The following SATB1 variants were observed in gnomAD, a reference collection of about 807,000 sequenced individuals.
SATB1 encodes DNA-binding protein SATB1.
Under a neutral mutation model 86.9 loss-of-function variants are expected in SATB1, and 11 were observed. That is an observed-to-expected ratio of 0.13 (90% CI 0.08 to 0.21). The LOEUF (loss-of-function observed/expected upper bound fraction) is 0.21. Ranked by LOEUF, SATB1 falls within the 10% of genes least tolerant of loss-of-function variation. The probability of loss-of-function intolerance (pLI) is 1.00; values close to 1 mark genes in which losing one functional copy is unlikely to be tolerated. For synonymous variants in SATB1, 357 were observed against 357.2 expected (o/e 1.00, Z 0.01); for missense variants, 551 against 937.6 (o/e 0.59, Z 5.39).
intron 9 of SATB1, among the ~76,000 whole-genome samples, chr3:18,365,191 A>G (rs1461544030): frequency 6.6e-6 from 1 of 152,196 alleles, no homozygotes; most frequent in Admixed American, 6.5e-5. Context: ...GTCCTGTTAC[A>G]AACACAGAGA....
At chr3:18,406,723 T>A (rs1387708663) in intron 5 of SATB1, among the ~76,000 whole-genome samples, 1 of 152,040 alleles carries the variant, frequency 6.6e-6, no homozygotes, top group Non-Finnish European at 1.5e-5. Context: ...CAGCTTGAAA[T>A]GTCAGTAGGT....
intron 2 of SATB1, among the ~76,000 whole-genome samples, chr3:18,419,210 G>A (rs533599196): frequency 1.3e-5 from 2 of 152,206 alleles, no homozygotes; most frequent in East Asian, 1.9e-4. Flanking sequence ...AAACTGTTGC[G>A]GTTACCCTCC....
chr3:18,379,651 T>C lies in SATB1; in HGVS notation c.1420-1326A>G, dbSNP rs556391756. On this transcript the variant is annotated intron_variant, in intron 8 of 10. Transcript: ENST00000338745. The stretch of plus-strand genomic sequence containing the variant: ...CAATTCTCCGTACTTAAAGCATAAA[T>C]AGGAGATCCCTTTAAAATGTGCCTG... Among the ~76,000 whole-genome samples, 3 of 152,310 alleles carry C rather than the reference T, an allele frequency of 2.0e-5. 1 individual carries two copies. The highest frequency in any genetic ancestry group is 4.1e-4 in the South Asian group (2 of 4,832).
upstream of SATB1, among the ~76,000 whole-genome samples, chr3:18,440,605 A>C (rs1358934843): frequency 1.3e-5 from 2 of 152,310 alleles, no homozygotes; most frequent in African/African-American, 2.4e-5. Context: ...GCTAGCTCGA[A>C]GTAGGAAGTG....
intron 2 of SATB1, among the ~76,000 whole-genome samples, chr3:18,431,929 T>C (rs2125195833): frequency 6.6e-6 from 1 of 152,316 alleles, no homozygotes; most frequent in Non-Finnish European, 1.5e-5. Context: ...AGAAATCCTG[T>C]GCAGGTATGT....
chr3:18,384,290 G>A (rs1300240585), intron 8 of SATB1, among the ~76,000 whole-genome samples: 2 of 152,160 alleles, frequency 1.3e-5, no homozygotes, highest in Non-Finnish European at 2.9e-5. Flanking sequence ...AACAGCATAT[G>A]AAAAGAAATA....
intron 5 of SATB1, among the ~76,000 whole-genome samples, chr3:18,399,874 C>A (rs1697160907): frequency 6.6e-6 from 1 of 151,868 alleles, no homozygotes; most frequent in Non-Finnish European, 1.5e-5. Flanking sequence ...ATAATCTGTC[C>A]AATTAGATTG....
At chr3:18,419,466 G>A (rs1205945158) in intron 2 of SATB1, among the ~76,000 whole-genome samples, 1 of 152,204 alleles carries the variant, frequency 6.6e-6, no homozygotes, top group Non-Finnish European at 1.5e-5. Flanking sequence ...AGTGAAGTCT[G>A]TAGAATCCTT....
intron 9 of SATB1, among the ~76,000 whole-genome samples, chr3:18,376,018 A>C (rs1160295006): frequency 6.6e-6 from 1 of 152,134 alleles, no homozygotes; most frequent in Non-Finnish European, 1.5e-5. Flanking sequence ...GATGCTTGGA[A>C]TTTGCTTATT....
Position 18,386,446 on chromosome 3 carries a change from T to TGGCCGA in SATB1, c.1366_1371dup (p.Ser456_Ala457dup), listed in dbSNP as rs1260595479. On this transcript the variant is annotated inframe_insertion, in exon 8 of 11. Coordinates refer to ENST00000338745, the MANE Select transcript of SATB1 (RefSeq NM_002971.6). The surrounding 1 kb of genome is among the most constrained non-coding windows in gnomAD (Gnocchi z 4.5). ...GTGCTGATGAGGGGGGCAGGACCCA[T>TGGCCGA]GGCCGAGGCAGCATTCAAGCTCCTT... 3.8e-5 allele frequency: 61 copies of TGGCCGA among 1,613,992 alleles called. No individual in the cohort carries two copies. The highest frequency in any genetic ancestry group is 5.0e-5 in the Non-Finnish European group (59 of 1,180,032).
At chr3:18,392,934 G>T (rs1173795245) in intron 7 of SATB1, among the ~76,000 whole-genome samples, 1 of 149,008 alleles carries the variant, frequency 6.7e-6, no homozygotes, top group Non-Finnish European at 1.5e-5. Flanking sequence ...CTGAGACATA[G>T]CCTTGTGCAA....
chr3:18,376,589 G>A (rs9310554), intron 9 of SATB1, among the ~76,000 whole-genome samples: 125,548 of 147,696 alleles, frequency 0.85, 53,513 homozygotes, highest in East Asian at 0.9. Flanking sequence ...TGGGGGGGGG[G>A]AGTGAGACCA....
intron 9 of SATB1, among the ~76,000 whole-genome samples, chr3:18,376,068 A>C (rs1261466729): frequency 6.6e-6 from 1 of 152,108 alleles, no homozygotes; most frequent in Non-Finnish European, 1.5e-5. Context: ...GCTGTGTAGG[A>C]CAGGGTAACA....
chr3:18,445,057 C>T (rs1156334481), intron 1 of SATB1: 2 of 305,144 alleles, frequency 6.6e-6, no homozygotes, highest in Non-Finnish European at 9.5e-6. Context: ...CCGCAGCCAC[C>T]CGGGACGCGC....
chr3:18,441,262 A>G (rs1056915353), upstream of SATB1, among the ~76,000 whole-genome samples: 1 of 152,118 alleles, frequency 6.6e-6, no homozygotes, highest in African/African-American at 2.4e-5. Flanking sequence ...TATAGCAACT[A>G]ATTTTCTTTT....
At position 18,386,714 on chromosome 3, in the gene SATB1, C is replaced by A; in HGVS notation, c.1207-103G>T. ...CCACTCTGTTTAGAAAATGAACAGT[C>A]AGAGGCATTAATTCTGCATAGGAAT... is the stretch of plus-strand genomic sequence containing the variant. On this transcript the variant is annotated intron_variant, in intron 7 of 10. Coordinates refer to ENST00000338745, the MANE Select transcript of SATB1 (RefSeq NM_002971.6). The surrounding 1 kb of genome is among the most constrained non-coding windows in gnomAD (Gnocchi z 4.5). The A allele has an allele frequency of 1.1e-6, 1 of 876,530 alleles. No individual in the cohort carries two copies. The highest frequency in any genetic ancestry group is 2.0e-5 in the Admixed American group (1 of 48,902). 54.3% of individuals were successfully genotyped at this position (876,530 alleles called of 1,614,324 possible).
At chr3:18,414,528 A>G (rs1365287655) in intron 5 of SATB1, among the ~76,000 whole-genome samples, 1 of 152,126 alleles carries the variant, frequency 6.6e-6, no homozygotes, top group Non-Finnish European at 1.5e-5. Context: ...CACTTAAAAA[A>G]ACAGAAAAGA....
At chr3:18,418,832 C>T (rs771204855) in intron 2 of SATB1, among the ~76,000 whole-genome samples, 1 of 152,120 alleles carries the variant, frequency 6.6e-6, no homozygotes, top group African/African-American at 2.4e-5. Context: ...TTTGGAGTAT[C>T]TGAGACCCTC....
At chr3:18,382,236 CTTTAGGTAATTACAT>C (rs1204035581) in intron 8 of SATB1, among the ~76,000 whole-genome samples, 1 of 151,872 alleles carries the variant, frequency 6.6e-6, no homozygotes, top group Non-Finnish European at 1.5e-5. Flanking sequence ...TTTAGTAATT[CTTTAGGTAATTACAT>C]AAAGAGATGT....
Sources: allele counts gnomAD v4.1 joint callset (sites outside exome capture counted in the v4.1 genomes callset), GRCh38; gene constraint gnomAD v4.1.1; non-coding constraint Gnocchi (gnomAD v3.1); transcripts MANE v1.5; gene names NCBI Gene and HGNC (gene_info 2026-07-23, HGNC 2026-07-21).